Variants in NID1 observed in about 807,000 individuals in gnomAD.
NID1 encodes the protein nidogen-1.
In NID1, 76 loss-of-function variants were observed where a neutral mutation model predicts 130.6. That is an observed-to-expected ratio of 0.58 (90% CI 0.48 to 0.70). The LOEUF is 0.70. Ranked by LOEUF, NID1 falls within the 30% of genes least tolerant of loss-of-function variation. The pLI is 0.00. For synonymous variants in NID1, 665 were observed against 675.1 expected (o/e 0.98, Z 0.23); for missense variants, 1,517 against 1,664.8 (o/e 0.91, Z 1.54).
At chr1:236,031,145 G>A (rs1003948744) in intron 6 of NID1, among the ~76,000 whole-genome samples, 1 of 151,274 alleles carries the variant, frequency 6.6e-6, no homozygotes, top group Non-Finnish European at 1.5e-5. Context: ...TTAATACAGA[G>A]TCTCACTCTG....
At chr1:235,981,532 T>G (rs907711541) in intron 16 of NID1, 79 bp downstream of exon 16, 7 of 1,467,254 alleles carry the variant, frequency 4.8e-6, no homozygotes, top group Admixed American at 2.0e-5. Flanking sequence ...AATGCTGGAG[T>G]TAAAGCCTCA....
intron 1 of NID1, among the ~76,000 whole-genome samples, chr1:236,057,040 C>T (rs1659915662): frequency 6.6e-6 from 1 of 152,264 alleles, no homozygotes; most frequent in Non-Finnish European, 1.5e-5. Flanking sequence ...AGGTGGATCA[C>T]CTGAGGTCAG....
intron 3 of NID1, among the ~76,000 whole-genome samples, chr1:236,043,511 C>T (rs1659511907): frequency 6.6e-6 from 1 of 152,040 alleles, no homozygotes; most frequent in Non-Finnish European, 1.5e-5. Flanking sequence ...GAAATCCCAA[C>T]TCCAGGGCCG....
chr1:236,019,450 A>G (rs1658692691), intron 9 of NID1, among the ~76,000 whole-genome samples: 1 of 152,186 alleles, frequency 6.6e-6, no homozygotes, highest in Non-Finnish European at 1.5e-5. Flanking sequence ...ATCTTCTTCA[A>G]GCTCTGTTCC....
In NID1 at chr1:235,995,283, T is replaced by A. The variant is rs576871280; in HGVS notation, c.2528-1411A>T. 4.6e-5 allele frequency among the ~76,000 whole-genome samples: 7 copies of A among 152,352 alleles called. No homozygotes were observed. The South Asian group carries it at 1.4e-3, about 32-fold the overall frequency. ...GGTATTATAAGTGATCTAGAGATGATTTAAAGTACATGGGAGGGTGTGCAT... is the reference window on the plus strand; with the variant it reads ...GGTATTATAAGTGATCTAGAGATGAATTAAAGTACATGGGAGGGTGTGCAT... On this transcript the variant is annotated intron_variant, in intron 12 of 19. Transcript: ENST00000264187.
At chr1:235,994,194 C>T (rs1271950751) in intron 12 of NID1, among the ~76,000 whole-genome samples, 1 of 152,222 alleles carries the variant, frequency 6.6e-6, no homozygotes, top group African/African-American at 2.4e-5. Context: ...TGGCGTTTCG[C>T]TCCTGTTGCC....
At chr1:235,993,523 C>CGGGGTAAGGGAGAGGGAAGAAGGG (rs1558424454) in intron 13 of NID1, 122 bp downstream of exon 13, 1 of 893,624 alleles carries the variant, frequency 1.1e-6, no homozygotes, top group African/African-American at 2.7e-5. Context: ...GCGGGTGGGG[C>CGGGGTAAGGGAGAGGGAAGAAGGG]TGGAGCCAGT....
At chr1:236,037,609 G>T (rs1197430044) in intron 5 of NID1, among the ~76,000 whole-genome samples, 1 of 151,696 alleles carries the variant, frequency 6.6e-6, no homozygotes, top group African/African-American at 2.4e-5. Flanking sequence ...AGTGAGCCAA[G>T]GTCACACCAC....
rs200952814 is a variant in NID1, at chr1:236,029,561, T to C, written c.1727A>G (p.Tyr576Cys). ...HIEPYTELYH[Y>C]STSVITSSST... is the part of the protein sequence containing the mutation. ...CAGCTGGGGCTCACCTGAGGTGGAG[T>C]AGTGGTACAGCTCCGTGTAGGGCTC... Residue 576 changes from tyrosine (Y) to cysteine (C), a missense_variant, in exon 7 of 20, where the codon TAC becomes TGC. Transcript: ENST00000264187. The C allele has an allele frequency of 2.6e-5, 40 of 1,560,076 alleles. No homozygotes were observed. Among genetic ancestry groups the C allele is most frequent in the Non-Finnish European group, 3.5e-5 (40 of 1,152,458 alleles).
chr1:236,010,993 C>T (rs1658392822), intron 12 of NID1, among the ~76,000 whole-genome samples: 1 of 152,156 alleles, frequency 6.6e-6, no homozygotes, highest in East Asian at 1.9e-4. Context: ...CTGTGAGCCC[C>T]ACCATATACC....
intron 1 of NID1, among the ~76,000 whole-genome samples, chr1:236,061,372 C>T (rs1392324554): frequency 3.9e-5 from 6 of 152,250 alleles, no homozygotes; most frequent in East Asian, 1.9e-4. Flanking sequence ...TTAATCTTAG[C>T]GTGGCAAGCC....
Position 235,980,585 on chromosome 1 carries a change from T to C in NID1, c.3296A>G (p.Asn1099Ser), listed in dbSNP as rs780693605. 3.1e-6 allele frequency: 5 copies of C among 1,614,244 alleles called. No individual in the cohort carries two copies. Among genetic ancestry groups the C allele is most frequent in the Non-Finnish European group, 4.2e-6 (5 of 1,180,048 alleles). The change falls in exon 17 of 20, where the codon AAC (asparagine) becomes AGC (serine). Residue 1099 changes from asparagine to serine, a missense_variant. This residue lies in a region of NID1 where 181 missense variants were observed against 211.3 expected (regional missense o/e 0.86). Coordinates refer to ENST00000264187, the MANE Select transcript of NID1 (RefSeq NM_002508.3). ...GTCATCCTGCACAAGGATCCTCCGGTTCGTGCCGTCCATGTAGGAAGTTTC... is the reference window on the plus strand; with the variant it reads ...GTCATCCTGCACAAGGATCCTCCGGCTCGTGCCGTCCATGTAGGAAGTTTC... ...KIETSYMDGT[N>S]RRILVQDDLG...
intron 9 of NID1, among the ~76,000 whole-genome samples, chr1:236,023,058 C>A (rs1349354026): frequency 5.3e-4 from 74 of 138,506 alleles, no homozygotes; most frequent in East Asian, 8.2e-4. Context: ...GACGCCATCT[C>A]AAAAAAAAAA....
chr1:236,016,573 A>T (rs567667156), intron 10 of NID1, among the ~76,000 whole-genome samples: 3 of 152,304 alleles, frequency 2.0e-5, no homozygotes, highest in South Asian at 4.1e-4. Context: ...TGGCTGACCC[A>T]TCCTCATCAT....
chr1:236,030,142 G>A (rs759169711), intron 6 of NID1, among the ~76,000 whole-genome samples: 31 of 152,194 alleles, frequency 2.0e-4, no homozygotes, highest in Non-Finnish European at 1.6e-4. Context: ...TCTGCAAATT[G>A]TCAAGTGCTC....
chr1:236,013,038 T>A (rs1350387840), intron 11 of NID1, among the ~76,000 whole-genome samples: 1 of 152,228 alleles, frequency 6.6e-6, no homozygotes, highest in Non-Finnish European at 1.5e-5. Flanking sequence ...GTTGAATGGC[T>A]ACATGTTAAT....
At chr1:236,007,223 G>A (rs1464973818) in intron 12 of NID1, among the ~76,000 whole-genome samples, 1 of 152,094 alleles carries the variant, frequency 6.6e-6, no homozygotes, top group Non-Finnish European at 1.5e-5. Flanking sequence ...TGATAGAGAT[G>A]GGGTCTTGCT....
chr1:236,049,286 G>A (rs947393356), intron 1 of NID1, among the ~76,000 whole-genome samples: 2 of 152,040 alleles, frequency 1.3e-5, no homozygotes, highest in African/African-American at 4.8e-5. Flanking sequence ...TTAGGAGCCT[G>A]GGCATCAAAG....
In NID1 at chr1:236,063,111, G is replaced by A. The variant is rs188504508; in HGVS notation, c.225+1744C>T. On this transcript the variant is annotated intron_variant, in intron 1 of 19. Transcript: ENST00000264187. ...GGAGGTTACAGTGAGCCAAGATCTC[G>A]CCACTGCACTCCAGCTTGTGCAACA... Among the ~76,000 whole-genome samples, 29 of 131,506 alleles carry A rather than the reference G, an allele frequency of 2.2e-4. No homozygotes were observed. The East Asian group carries it at 5.0e-3, about 23-fold the overall frequency. 86.3% of individuals were successfully genotyped at this position (131,506 alleles called of 152,430 possible). A position where few individuals can be genotyped will look rare whatever the true frequency, so the allele number is the denominator to read the frequency against.
Sources: allele counts gnomAD v4.1 joint callset (sites outside exome capture counted in the v4.1 genomes callset), GRCh38; gene constraint gnomAD v4.1.1; regional missense constraint gnomAD v4.1.1; transcripts MANE v1.5; gene names NCBI Gene and HGNC (gene_info 2026-07-23, HGNC 2026-07-21).